PCDHGA3: variants seen among roughly 807,000 people sequenced by gnomAD.
The protein encoded by PCDHGA3 is protocadherin gamma-A3.
In PCDHGA3, 40 loss-of-function variants were observed where a neutral mutation model predicts 58.5. The observed-to-expected ratio is 0.68, with a 90% CI of 0.53 to 0.89. PCDHGA3 has a LOEUF of 0.89. PCDHGA3 is among the 40% of genes least tolerant of loss of function. The probability of loss-of-function intolerance (pLI) is 0.00; values close to 1 mark genes in which losing one functional copy is unlikely to be tolerated. For missense variants in PCDHGA3, 1,223 were observed against 1,195.9 expected (o/e 1.02, Z -0.33); for synonymous variants, 530 against 525.7 (o/e 1.01, Z -0.11).
At chr5:141,372,958 T>TACAA in intron 1 of PCDHGA3, 9 of 710,562 alleles carry the variant, frequency 1.3e-5, no homozygotes, top group South Asian at 2.1e-5. Context: ...AAATTCTTTG[T>TACAA]AGAATTTCCT....
In PCDHGA3 at chr5:141,485,632, G is replaced by A. The variant is rs1335265010; in HGVS notation, c.2425-9175G>A. On this transcript the variant is annotated intron_variant, in intron 1 of 3. Transcript: ENST00000253812. This position sits in a 1 kb window ranked among gnomAD's most constrained non-coding sequence, Gnocchi z 5.7. ...CAGCTCCTCCAGGACAGCGTTTCCCGTTGGAAAAGGCTCAGGATGCAGATG... is the reference window on the plus strand; with the variant it reads ...CAGCTCCTCCAGGACAGCGTTTCCCATTGGAAAAGGCTCAGGATGCAGATG... 1.2e-6 allele frequency: 2 copies of A among 1,611,766 alleles called. No homozygotes were observed. The highest frequency in any genetic ancestry group is 1.7e-6 in the Non-Finnish European group (2 of 1,178,342).
At chr5:141,478,468 C>A (rs2099457906) in intron 1 of PCDHGA3, 2 of 1,613,800 alleles carry the variant, frequency 1.2e-6, no homozygotes, top group Admixed American at 1.7e-5. Flanking sequence ...CACTGGCCAG[C>A]CGCCAGAACA....
intron 1 of PCDHGA3, among the ~76,000 whole-genome samples, chr5:141,438,581 TACATAC>T (rs2097977343): frequency 4.0e-5 from 2 of 49,846 alleles, no homozygotes; most frequent in Non-Finnish European, 6.5e-5. Flanking sequence ...TATACATACA[TACATAC>T]ATACATATAT....
chr5:141,427,805 A>G lies in PCDHGA3; in HGVS notation c.2425-67002A>G, dbSNP rs1010656936. The G allele has an allele frequency of 3.3e-6, 5 of 1,520,154 alleles. No homozygotes were observed. In the African/African-American group the frequency reaches 4.1e-5, roughly 12 times the overall value. 94.2% of individuals were successfully genotyped at this position (1,520,154 alleles called of 1,614,324 possible). ...TGTCGTCCTACGTGTCCGTGAGCGC[A>G]CAGAGCGGGGTGGTGGTCGCGCAGC... On this transcript the variant is annotated intron_variant, in intron 1 of 3. Coordinates refer to ENST00000253812, the MANE Select transcript of PCDHGA3 (RefSeq NM_018916.4).
In PCDHGA3 at chr5:141,485,615, C is replaced by G; in HGVS notation, c.2425-9192C>G. ...CTTGGAAATTGGGGAGGCAGCTCCTCCAGGACAGCGTTTCCCGTTGGAAAA... is the reference window on the plus strand; with the variant it reads ...CTTGGAAATTGGGGAGGCAGCTCCTGCAGGACAGCGTTTCCCGTTGGAAAA... On this transcript the variant is annotated intron_variant, in intron 1 of 3. Coordinates refer to ENST00000253812, the MANE Select transcript of PCDHGA3 (RefSeq NM_018916.4). This position sits in a 1 kb window ranked among gnomAD's most constrained non-coding sequence, Gnocchi z 5.7. 6.2e-7 allele frequency: 1 copy of G among 1,612,250 alleles called. No individual in the cohort carries two copies. The highest frequency in any genetic ancestry group is 1.3e-5 in the African/African-American group (1 of 74,992).
Position 141,400,542 on chromosome 5 carries a change from C to G in PCDHGA3, c.2424+54085C>G, listed in dbSNP as rs373097307. On this transcript the variant is annotated intron_variant, in intron 1 of 3. Transcript: ENST00000253812. ...CTGAGTTGGTGAGTTTCATTTATGT[C>G]TATTCTTTTTCATTACCCACCCAAT... 5.6e-6 allele frequency: 9 copies of G among 1,613,628 alleles called. No individual in the cohort carries two copies. In the African/African-American group the frequency reaches 8.0e-5, roughly 14 times the overall value.
chr5:141,462,462 T>G (rs570804965), intron 1 of PCDHGA3, among the ~76,000 whole-genome samples: 1 of 152,346 alleles, frequency 6.6e-6, no homozygotes, highest in Middle Eastern at 3.4e-3. Flanking sequence ...CTGAAAACTG[T>G]GTATTCTGCT....
In PCDHGA3 at chr5:141,485,441, A is replaced by G. The variant is rs1562105312; in HGVS notation, c.2425-9366A>G. ...CGGAGCCCTGCTCATCAAGAACCCA[A>G]TCGACCGAGAGGCACTGTGTGGGCT... On this transcript the variant is annotated intron_variant, in intron 1 of 3. Transcript: ENST00000253812. The surrounding 1 kb of genome is among the most constrained non-coding windows in gnomAD (Gnocchi z 5.7). 3 of 1,613,910 alleles carry G rather than the reference A, an allele frequency of 1.9e-6. No homozygotes were observed. Among genetic ancestry groups the G allele is most frequent in the South Asian group, 1.1e-5 (1 of 91,062 alleles).
intron 1 of PCDHGA3, chr5:141,409,345 A>G (rs1012428329): frequency 6.2e-7 from 1 of 1,614,020 alleles, no homozygotes; most frequent in Non-Finnish European, 8.5e-7. Flanking sequence ...GAAATGGAGA[A>G]GTCAGGTGTA....
At chr5:141,375,144 G>A (rs747224962) in intron 1 of PCDHGA3, 3 of 1,613,936 alleles carry the variant, frequency 1.9e-6, no homozygotes, top group Non-Finnish European at 2.5e-6. Flanking sequence ...TCTGGAAGCA[G>A]AACAATTGCT....
intron 1 of PCDHGA3, chr5:141,428,388 C>G (rs1299321513): frequency 4.0e-6 from 2 of 506,160 alleles, no homozygotes; most frequent in Non-Finnish European, 7.3e-6. Context: ...GCTCTTCCAG[C>G]CCCTCTGCCT....
At chr5:141,419,781 G>C (rs1331740421) in intron 1 of PCDHGA3, 1 of 1,614,032 alleles carries the variant, frequency 6.2e-7, no homozygotes. Context: ...GTCCGCCAGC[G>C]CCTGCTAGTC....
At chr5:141,367,147 G>T in intron 1 of PCDHGA3, 1 of 167,442 alleles carries the variant, frequency 6.0e-6, no homozygotes. Context: ...ATAATGTATA[G>T]GACTGATATT....
At chr5:141,354,146 G>A in intron 1 of PCDHGA3, among the ~76,000 whole-genome samples, 1 of 152,182 alleles carries the variant, frequency 6.6e-6, no homozygotes, top group Admixed American at 6.5e-5. Context: ...AATACTGAAT[G>A]TGTCATGTGA....
At chr5:141,361,200 C>T (rs1235032205) in intron 1 of PCDHGA3, 1 of 1,613,940 alleles carries the variant, frequency 6.2e-7, no homozygotes. Flanking sequence ...TATCTACTCC[C>T]CTACCGGAGG....
intron 1 of PCDHGA3, chr5:141,388,948 T>A (rs751779962): frequency 1.9e-6 from 3 of 1,614,022 alleles, no homozygotes; most frequent in Non-Finnish European, 2.5e-6. Context: ...AACCTAATTA[T>A]GGAGGACGCC....
chr5:141,374,310 C>T, intron 1 of PCDHGA3: 3 of 1,614,006 alleles, frequency 1.9e-6, no homozygotes, highest in Non-Finnish European at 1.7e-6. Flanking sequence ...CAGCTTTTCT[C>T]TCTGAATCCG....
At chr5:141,449,723 GA>G (rs1432635918) in intron 1 of PCDHGA3, among the ~76,000 whole-genome samples, 2 of 150,880 alleles carry the variant, frequency 1.3e-5, no homozygotes, top group Admixed American at 6.6e-5. Flanking sequence ...TATATGATAT[GA>G]TTTTTTTATG....
At chr5:141,361,313 T>G in intron 1 of PCDHGA3, 1 of 1,613,982 alleles carries the variant, frequency 6.2e-7, no homozygotes, top group Non-Finnish European at 8.5e-7. Context: ...GCCAAGTTTA[T>G]TTTGAAATCT....
Sources: allele counts gnomAD v4.1 joint callset (sites outside exome capture counted in the v4.1 genomes callset), GRCh38; gene constraint gnomAD v4.1.1; non-coding constraint Gnocchi (gnomAD v3.1); transcripts MANE v1.5; gene names NCBI Gene and HGNC (gene_info 2026-07-23, HGNC 2026-07-21).